The following PSMD13 variants were observed in gnomAD, a reference collection of about 807,000 sequenced individuals.
PSMD13 encodes proteasome 26S subunit, non-ATPase 13.
In PSMD13, 8 loss-of-function variants were observed where a neutral mutation model predicts 57.4. The observed-to-expected ratio is 0.14, with a 90% CI of 0.08 to 0.25. The LOEUF is 0.25. PSMD13 is among the 10% of genes least tolerant of loss of function. The probability of loss-of-function intolerance (pLI) is 1.00; values close to 1 mark genes in which losing one functional copy is unlikely to be tolerated. For missense variants in PSMD13, 400 were observed against 461.5 expected (o/e 0.87, Z 1.22); for synonymous variants, 193 against 168.2 (o/e 1.15, Z -1.14).
intron 2 of PSMD13, among the ~76,000 whole-genome samples, chr11:239,820 T>A (rs1282875234): frequency 6.6e-6 from 1 of 152,156 alleles, no homozygotes; most frequent in Non-Finnish European, 1.5e-5. Context: ...ATGATGGCTT[T>A]CTCTGATTCT....
Position 236,976 on chromosome 11 carries a change from G to A in PSMD13, c.-74G>A. The A allele has an allele frequency of 1.5e-6, 2 of 1,312,680 alleles. No individual in the cohort carries two copies. The highest frequency in any genetic ancestry group is 2.2e-6 in the Non-Finnish European group (2 of 919,298). 81.3% of individuals were successfully genotyped at this position (1,312,680 alleles called of 1,614,324 possible). A position where few individuals can be genotyped will look rare whatever the true frequency, so the allele number is the denominator to read the frequency against. The stretch of plus-strand genomic sequence containing the variant: ...GCGCCGCTCGGCGCCGGAAGTGAGT[G>A]AGCATTTCCGGCAGCCATCCCCGCG... On this transcript the variant is annotated 5_prime_UTR_variant, in exon 1 of 13. Transcript: ENST00000532097.
At chr11:247,787 T>A (rs912063684) in intron 7 of PSMD13, 1 of 185,124 alleles carries the variant, frequency 5.4e-6, no homozygotes, top group Non-Finnish European at 1.1e-5. Flanking sequence ...GAGCCAAGAT[T>A]GTACCACTGC....
chr11:239,285 T>A (rs527819554), intron 2 of PSMD13, among the ~76,000 whole-genome samples: 1 of 152,286 alleles, frequency 6.6e-6, no homozygotes, highest in African/African-American at 2.4e-5. Flanking sequence ...GAAGCAAACA[T>A]AAGACTTTAA....
In PSMD13 at chr11:244,767, A is replaced by G. The variant is rs908186541; in HGVS notation, c.396+6A>G. On this transcript the variant is annotated splice_donor_region_variant and intron_variant, in intron 6 of 12. Transcript: ENST00000532097. Reference sequence around the variant, plus strand: ...GGGACCTACAGGTTACAAAGGTGAGATCACCATAATACAGATTTATCTTTG... The same window carrying G: ...GGGACCTACAGGTTACAAAGGTGAGGTCACCATAATACAGATTTATCTTTG... 1.9e-6 allele frequency: 3 copies of G among 1,585,648 alleles called. No homozygotes were observed. Among genetic ancestry groups the G allele is most frequent in the African/African-American group, 1.3e-5 (1 of 74,156 alleles).
intron 2 of PSMD13, among the ~76,000 whole-genome samples, chr11:242,821 G>A (rs879747672): frequency 6.6e-5 from 10 of 151,502 alleles, no homozygotes; most frequent in African/African-American, 9.7e-5. Context: ...TTGAGATGGA[G>A]TTTCACTCTT....
At chr11:248,674 T>C in intron 7 of PSMD13, 102 bp from the exon 8 acceptor site, 3 of 1,155,932 alleles carry the variant, frequency 2.6e-6, no homozygotes, top group Non-Finnish European at 3.8e-6. Context: ...TAACAACCAT[T>C]ACAAACAATG....
intron 2 of PSMD13, among the ~76,000 whole-genome samples, chr11:242,403 A>G (rs1321458784): frequency 1.3e-5 from 2 of 151,656 alleles, no homozygotes; most frequent in African/African-American, 2.4e-5. Flanking sequence ...TTTAAATTTT[A>G]TTTCATTAAC....
At chr11:240,024 C>A (rs201375344) in intron 2 of PSMD13, among the ~76,000 whole-genome samples, 2 of 143,060 alleles carry the variant, frequency 1.4e-5, no homozygotes, top group East Asian at 4.7e-4. Flanking sequence ...GAGGAACTTA[C>A]AATCATCTGT....
rs1418114810 is a variant in PSMD13 at position 252,033 on chromosome 11, C to T, written c.1035+97C>T. 2 of 1,146,352 alleles carry T rather than the reference C, an allele frequency of 1.7e-6. No individual in the cohort carries two copies. 71.0% of individuals were successfully genotyped at this position (1,146,352 alleles called of 1,614,324 possible). A position where few individuals can be genotyped will look rare whatever the true frequency, so the allele number is the denominator to read the frequency against. ...TTTGGATGGAAGCCATTTGGGAAGACAGCATTATTAGACAAGAGGTTTTGG... is the reference window on the plus strand; with the variant it reads ...TTTGGATGGAAGCCATTTGGGAAGATAGCATTATTAGACAAGAGGTTTTGG... On this transcript the variant is annotated intron_variant, in intron 12 of 12. Transcript: ENST00000532097. The surrounding 1 kb of genome is among the most constrained non-coding windows in gnomAD (Gnocchi z 4.1).
chr11:238,891 G>C lies in PSMD13; in HGVS notation c.96-107G>C, dbSNP rs1859457746. On this transcript the variant is annotated intron_variant, in intron 1 of 12. Transcript: ENST00000532097. ...TGAATTTTGGAGTTTTGGAGTTTTG[G>C]ATTAGAGATACCCAACCTGTATTTG... 3.6e-6 allele frequency: 4 copies of C among 1,105,384 alleles called. No individual in the cohort carries two copies. In the African/African-American group the frequency reaches 6.2e-5, roughly 17 times the overall value. The allele number at this position is 1,105,384 out of a possible 1,614,324, so 68.5% of individuals were successfully genotyped here. A position where few individuals can be genotyped will look rare whatever the true frequency, so the allele number is the denominator to read the frequency against.
chr11:252,240 C>T lies in PSMD13; in HGVS notation c.1036-265C>T. On this transcript the variant is annotated intron_variant, in intron 12 of 12. Transcript: ENST00000532097. The surrounding 1 kb of genome is among the most constrained non-coding windows in gnomAD (Gnocchi z 4.1). Reference sequence around the variant, plus strand: ...GGTTCTGTGATTTGAGCTCACGTCGCTCTTACATTTGCTGGAAATGCGATC... The same window carrying T: ...GGTTCTGTGATTTGAGCTCACGTCGTTCTTACATTTGCTGGAAATGCGATC... 1.9e-6 allele frequency: 1 copy of T among 518,298 alleles called. No individual in the cohort carries two copies. Among genetic ancestry groups the T allele is most frequent in the East Asian group, 3.2e-5 (1 of 30,946 alleles). 32.1% of individuals were successfully genotyped at this position (518,298 alleles called of 1,614,324 possible). A position where few individuals can be genotyped will look rare whatever the true frequency, so the allele number is the denominator to read the frequency against.
chr11:241,905 G>GC (rs1859524138), intron 2 of PSMD13, among the ~76,000 whole-genome samples: 1 of 151,748 alleles, frequency 6.6e-6, no homozygotes, highest in South Asian at 2.1e-4. Flanking sequence ...AATCTTCAGT[G>GC]CTTCCTAGTC....
intron 9 of PSMD13, 80 bp from the exon 10 acceptor site, chr11:250,723 G>T (rs1283276498): frequency 2.2e-6 from 3 of 1,351,728 alleles, no homozygotes; most frequent in South Asian, 1.2e-5. Context: ...TACTGTTATA[G>T]AACGAATTCC....
At position 243,008 on chromosome 11, in the gene PSMD13, A is replaced by G. The variant is rs372820969; in HGVS notation, c.175-1033A>G. Reference sequence around the variant, plus strand: ...ACGGGGTTTCACCATGTTGACCAGGATGGTTCCAATCTCTTGACCTCATGA... The same window carrying G: ...ACGGGGTTTCACCATGTTGACCAGGGTGGTTCCAATCTCTTGACCTCATGA... On this transcript the variant is annotated intron_variant, in intron 2 of 12. Coordinates refer to ENST00000532097, the MANE Select transcript of PSMD13 (RefSeq NM_002817.4). The G allele has an allele frequency of 2.2e-3, 391 of 181,222 alleles. No homozygotes were observed. In the African/African-American group the frequency reaches 0.028, roughly 13 times the overall value. The allele number at this position is 181,222 out of a possible 1,614,324, so 11.2% of individuals were successfully genotyped here.
At chr11:247,586 C>G (rs1231853471) in intron 7 of PSMD13, 138 bp downstream of exon 7, 4 of 923,732 alleles carry the variant, frequency 4.3e-6, no homozygotes, top group African/African-American at 3.4e-5. Context: ...AATCCCAGCA[C>G]TTTGGAAGGC....
At position 248,967 on chromosome 11, in the gene PSMD13, T is replaced by C. The variant is rs1030870685; in HGVS notation, c.684T>C (p.Thr228=). The stretch of plus-strand genomic sequence containing the variant: ...CTGTGCTGGAGTCCCTGAGGAATAC[T>C]GACCGGCAGTGGCTGATTGACACCC... ...MHPVLESLRN[T]DRQWLIDTLY... The change falls in exon 9 of 13, where the codon ACT becomes ACC. Residue 228 remains threonine (T), a synonymous_variant. Coordinates refer to ENST00000532097, the MANE Select transcript of PSMD13 (RefSeq NM_002817.4). The C allele has an allele frequency of 1.2e-6, 2 of 1,614,210 alleles. No homozygotes were observed. The highest frequency in any genetic ancestry group is 1.7e-6 in the Non-Finnish European group (2 of 1,180,030).
chr11:251,580 T>C lies in PSMD13; in HGVS notation c.872T>C (p.Leu291Pro). ...TFTRPANHRQ[L>P]TFEEIAKSAK... is the part of the protein sequence containing the mutation. ...ACACGACCTGCCAATCACAGACAACTCACTTTTGAAGAAATTGCCAAAAGT... is the reference window on the plus strand; with the variant it reads ...ACACGACCTGCCAATCACAGACAACCCACTTTTGAAGAAATTGCCAAAAGT... Residue 291 changes from leucine to proline, a missense_variant, in exon 11 of 13, where the codon CTC becomes CCC. Coordinates refer to ENST00000532097, the MANE Select transcript of PSMD13 (RefSeq NM_002817.4). This position sits in a 1 kb window ranked among gnomAD's most constrained non-coding sequence, Gnocchi z 4.6. 6.2e-7 allele frequency: 1 copy of C among 1,614,132 alleles called. No individual in the cohort carries two copies. The highest frequency in any genetic ancestry group is 8.5e-7 in the Non-Finnish European group (1 of 1,179,960).
At chr11:244,881 G>T (rs770146355) in intron 6 of PSMD13, 120 bp downstream of exon 6, 19 of 743,254 alleles carry the variant, frequency 2.6e-5, no homozygotes, top group East Asian at 7.6e-5. Context: ...TTACAGAAAA[G>T]TTGCAAAAAT....
chr11:247,262 C>G lies in PSMD13; in HGVS notation c.397-15C>G. 6.3e-7 allele frequency: 1 copy of G among 1,588,970 alleles called. No homozygotes were observed. The highest frequency in any genetic ancestry group is 8.5e-7 in the Non-Finnish European group (1 of 1,170,048). On this transcript the variant is annotated splice_polypyrimidine_tract_variant and intron_variant, in intron 6 of 12. Transcript: ENST00000532097. ...TTAACTTAAAAAGAGAGATGATTTTCCTTCCTGTGTATAGGAAACAATTGA... is the reference window on the plus strand; with the variant it reads ...TTAACTTAAAAAGAGAGATGATTTTGCTTCCTGTGTATAGGAAACAATTGA...
Sources: allele counts gnomAD v4.1 joint callset (sites outside exome capture counted in the v4.1 genomes callset), GRCh38; gene constraint gnomAD v4.1.1; non-coding constraint Gnocchi (gnomAD v3.1); transcripts MANE v1.5; gene names NCBI Gene and HGNC (gene_info 2026-07-23, HGNC 2026-07-21).